The following KPNA7 variants were observed in gnomAD, a reference collection of about 807,000 sequenced individuals.
The protein encoded by KPNA7 is importin subunit alpha-8.
A neutral mutation model predicts 53.7 loss-of-function variants in KPNA7; 54 were observed. The ratio of observed to expected loss-of-function variants is 1.01; its 90% CI spans 0.81 to 1.26. KPNA7 has a LOEUF of 1.26. Among genes scored for constraint, KPNA7 ranks in the 50% most tolerant of loss-of-function variants. KPNA7 has a pLI of 0.00. For missense variants in KPNA7, 640 were observed against 644.5 expected (o/e 0.99, Z 0.07); for synonymous variants, 276 against 259.3 (o/e 1.06, Z -0.62).
chr7:99,148,497 A>G, the KPNA7 span, among the ~76,000 whole-genome samples: 1 of 152,252 alleles, frequency 6.6e-6, no homozygotes, highest in Non-Finnish European at 1.5e-5. Context: ...ATGTGCAAAT[A>G]CACATCAAAA....
chr7:99,169,716 T>G (rs1798736541), downstream of KPNA7, among the ~76,000 whole-genome samples: 1 of 151,478 alleles, frequency 6.6e-6, no homozygotes, highest in South Asian at 2.1e-4. Context: ...GGACTCCTCT[T>G]TAGGAAAACT....
intron 1 of KPNA7, among the ~76,000 whole-genome samples, chr7:99,213,429 T>TAAA (rs1362791839): frequency 2.3e-5 from 2 of 85,540 alleles, no homozygotes; most frequent in South Asian, 1.0e-3. Context: ...ACCTGGCCTT[T>TAAA]TAAAAAAAAA....
At chr7:99,208,319 A>C (rs1255914658), upstream of KPNA7, among the ~76,000 whole-genome samples, 1 of 151,818 alleles carries the variant, frequency 6.6e-6, no homozygotes, top group African/African-American at 2.4e-5. Flanking sequence ...GCGGTGGCGC[A>C]ATCTTGGCTC....
intron 1 of KPNA7, among the ~76,000 whole-genome samples, chr7:99,218,941 G>A (rs62471860): frequency 0.03 from 4,572 of 152,338 alleles, 89 homozygotes; most frequent in Non-Finnish European, 0.046. Flanking sequence ...ACAGGGACAA[G>A]CCACCAACCA....
chr7:99,198,378 A>T (rs1483195237), intron 3 of KPNA7, among the ~76,000 whole-genome samples: 2 of 152,182 alleles, frequency 1.3e-5, no homozygotes, highest in East Asian at 3.9e-4. Flanking sequence ...ATTCAACAAA[A>T]TAGGAGGAAA....
chr7:99,154,536 T>G, the KPNA7 span, among the ~76,000 whole-genome samples: 1 of 151,756 alleles, frequency 6.6e-6, no homozygotes, highest in South Asian at 2.1e-4. Context: ...AGGTCTTTTT[T>G]TTTTTTTTCT....
intron 3 of KPNA7, among the ~76,000 whole-genome samples, chr7:99,199,936 G>C (rs184486895): frequency 6.7e-6 from 1 of 149,480 alleles, no homozygotes; most frequent in East Asian, 1.9e-4. Flanking sequence ...TTTTTTTGGT[G>C]GGGGGACACA....
chr7:99,181,739 C>T, intron 9 of KPNA7, 144 bp downstream of exon 9: 1 of 654,500 alleles, frequency 1.5e-6, no homozygotes, highest in East Asian at 3.1e-5. Context: ...ACTATGTTGG[C>T]CAGGCTGGCC....
At chr7:99,153,869 G>A in the KPNA7 span, among the ~76,000 whole-genome samples, 1 of 152,048 alleles carries the variant, frequency 6.6e-6, no homozygotes, top group African/African-American at 2.4e-5. Flanking sequence ...CTGCTATTTG[G>A]GAGGCTGAGG....
intron 2 of KPNA7, 115 bp downstream of exon 2, chr7:99,207,286 G>A: frequency 1.2e-6 from 1 of 809,874 alleles, no homozygotes; most frequent in Non-Finnish European, 2.1e-6. Flanking sequence ...GCCCGTCTCA[G>A]CCTCTCAAAG....
At chr7:99,147,956 G>T in the KPNA7 span, among the ~76,000 whole-genome samples, 1 of 151,760 alleles carries the variant, frequency 6.6e-6, no homozygotes, top group African/African-American at 2.4e-5. Flanking sequence ...GCGCAAGGCT[G>T]CAGTGAGCTA....
At position 99,203,096 on chromosome 7, in the gene KPNA7, A is replaced by G; in HGVS notation, c.201+10T>C. On this transcript the variant is annotated intron_variant, in intron 3 of 10. Coordinates refer to ENST00000327442, the MANE Select transcript of KPNA7 (RefSeq NM_001145715.3). ...TTTGCCCAAGACTACTCTAAACACT[A>G]CATACTGACCGCCACCCCTTTGGCT... 5 of 1,551,628 alleles carry G rather than the reference A, an allele frequency of 3.2e-6. No homozygotes were observed. The Admixed American group carries it at 7.8e-5, about 24-fold the overall frequency.
At chr7:99,198,911 G>A (rs373460987) in intron 3 of KPNA7, among the ~76,000 whole-genome samples, 10 of 152,082 alleles carry the variant, frequency 6.6e-5, no homozygotes, top group African/African-American at 2.4e-4. Flanking sequence ...AATTCAGCTA[G>A]GTTGCAGAAT....
chr7:99,165,526 A>T, the KPNA7 span, among the ~76,000 whole-genome samples: 1 of 152,164 alleles, frequency 6.6e-6, no homozygotes, highest in African/African-American at 2.4e-5. Flanking sequence ...GCAGGCCCCA[A>T]TGTCCACTAA....
At chr7:99,171,207 A>G (rs1798763776), downstream of KPNA7, among the ~76,000 whole-genome samples, 1 of 152,194 alleles carries the variant, frequency 6.6e-6, no homozygotes, top group Admixed American at 6.5e-5. Flanking sequence ...GTAACAGAGC[A>G]AGACTCTGTC....
At chr7:99,158,855 C>T in the KPNA7 span, among the ~76,000 whole-genome samples, 1 of 151,932 alleles carries the variant, frequency 6.6e-6, no homozygotes, top group African/African-American at 2.4e-5. Flanking sequence ...TTGGAATGTA[C>T]ATAAACAGCA....
chr7:99,182,110 C>G (rs1228712835), intron 8 of KPNA7, 45 bp from the exon 9 acceptor site: 23 of 1,434,190 alleles, frequency 1.6e-5, no homozygotes, highest in Non-Finnish European at 2.2e-5. Flanking sequence ...CCTCAAGAAC[C>G]TAAATAGAGG....
the KPNA7 span, among the ~76,000 whole-genome samples, chr7:99,155,304 T>A: frequency 6.6e-6 from 1 of 152,196 alleles, no homozygotes; most frequent in Non-Finnish European, 1.5e-5. Flanking sequence ...TCTGTTCCAG[T>A]CTATACTCCC....
chr7:99,167,149 C>A, the KPNA7 span, among the ~76,000 whole-genome samples: 2 of 152,228 alleles, frequency 1.3e-5, no homozygotes, highest in South Asian at 4.1e-4. Context: ...AGCCACGGAG[C>A]CTGCTGTTCA....
Sources: allele counts gnomAD v4.1 joint callset (sites outside exome capture counted in the v4.1 genomes callset), GRCh38; gene constraint gnomAD v4.1.1; transcripts MANE v1.5; gene names NCBI Gene and HGNC (gene_info 2026-07-23, HGNC 2026-07-21).